PHF19: variants seen among roughly 807,000 people sequenced by gnomAD.
PHF19 encodes polycomb like 3.
In PHF19, 21 loss-of-function variants were observed where a neutral mutation model predicts 79.8. The ratio of observed to expected loss-of-function variants is 0.26; its 90% CI spans 0.19 to 0.38. PHF19 has a LOEUF of 0.38. Ranked by LOEUF, PHF19 falls within the 10% of genes least tolerant of loss-of-function variation. The probability of loss-of-function intolerance (pLI) is 1.00; values close to 1 mark genes in which losing one functional copy is unlikely to be tolerated. For missense variants in PHF19, 445 were observed against 744.2 expected (o/e 0.60, Z 4.68); for synonymous variants, 273 against 296.3 (o/e 0.92, Z 0.81).
At position 120,862,253 on chromosome 9, in the gene PHF19, G is replaced by A. The variant is rs949960093; in HGVS notation, c.1131-248C>T. Among the ~76,000 whole-genome samples the A allele has an allele frequency of 1.3e-5, 2 of 152,202 alleles. No homozygotes were observed. Among genetic ancestry groups the A allele is most frequent in the Non-Finnish European group, 2.9e-5 (2 of 68,016 alleles). ...CCTCCCCAGGCACATGCATCCAGAT[G>A]CCCTGCCCCCCAGTGCCAGGATGAG... On this transcript the variant is annotated intron_variant, in intron 11 of 14. Coordinates refer to ENST00000373896, the MANE Select transcript of PHF19 (RefSeq NM_015651.3). This position sits in a 1 kb window ranked among gnomAD's most constrained non-coding sequence, Gnocchi z 4.6.
chr9:120,885,491 T>C (rs1483306168), intron 1 of PHF19, among the ~76,000 whole-genome samples: 2 of 150,466 alleles, frequency 1.3e-5, no homozygotes, highest in African/African-American at 4.9e-5. Flanking sequence ...GGCAGGAGAA[T>C]GGCTTGAACC....
At chr9:120,867,874 C>A (rs2045750002) in intron 6 of PHF19, among the ~76,000 whole-genome samples, 1 of 152,160 alleles carries the variant, frequency 6.6e-6, no homozygotes. Flanking sequence ...GTGGTTCCTT[C>A]CACAATGCCA....
chr9:120,884,287 G>C (rs2046232982), intron 1 of PHF19, among the ~76,000 whole-genome samples: 1 of 152,114 alleles, frequency 6.6e-6, no homozygotes, highest in Non-Finnish European at 1.5e-5. Flanking sequence ...AAAATACAGA[G>C]GTGTCATTTT....
rs2045392271 is a variant in PHF19, at chr9:120,857,730, G to A, written c.*214C>T. Reference sequence around the variant, plus strand: ...TGGAGTGTGTAGAGACACAGGCACAGGGGTAACGAGCCTGAGGAGGCCCTG... The same window carrying A: ...TGGAGTGTGTAGAGACACAGGCACAAGGGTAACGAGCCTGAGGAGGCCCTG... On this transcript the variant is annotated 3_prime_UTR_variant, in exon 15 of 15. Coordinates refer to ENST00000373896, the MANE Select transcript of PHF19 (RefSeq NM_015651.3). 1 of 516,470 alleles carries A rather than the reference G, an allele frequency of 1.9e-6. No individual in the cohort carries two copies. Among genetic ancestry groups the A allele is most frequent in the African/African-American group, 1.9e-5 (1 of 51,716 alleles). The allele number at this position is 516,470 out of a possible 1,614,324, so 32.0% of individuals were successfully genotyped here.
In PHF19 at chr9:120,866,821, C is replaced by T; in HGVS notation, c.710+49G>A. 1 of 1,007,402 alleles carries T rather than the reference C, an allele frequency of 9.9e-7. No individual in the cohort carries two copies. Among genetic ancestry groups the T allele is most frequent in the Middle Eastern group, 2.1e-4 (1 of 4,784 alleles). The allele number at this position is 1,007,402 out of a possible 1,614,324, so 62.4% of individuals were successfully genotyped here. ...GCAGGAGTTGTTGCTGCCATCCCTG[C>T]CCTCTCCCCACCACGCCCAAGGCCC... On this transcript the variant is annotated intron_variant, in intron 7 of 14. Transcript: ENST00000373896. This position sits in a 1 kb window ranked among gnomAD's most constrained non-coding sequence, Gnocchi z 5.2.
At chr9:120,881,423 A>G (rs1341732669), upstream of PHF19, among the ~76,000 whole-genome samples, 1 of 152,114 alleles carries the variant, frequency 6.6e-6, no homozygotes, top group Non-Finnish European at 1.5e-5. Flanking sequence ...CTGGGATTAC[A>G]GGCGTGAGTC....
Position 120,860,400 on chromosome 9 carries a change from G to A in PHF19, c.1305-215C>T, listed in dbSNP as rs1039663592. The A allele has an allele frequency of 7.5e-6, 4 of 536,692 alleles. No individual in the cohort carries two copies. The highest frequency in any genetic ancestry group is 2.0e-5 in the South Asian group (1 of 49,960). The allele number at this position is 536,692 out of a possible 1,614,324, so 33.2% of individuals were successfully genotyped here. A position where few individuals can be genotyped will look rare whatever the true frequency, so the allele number is the denominator to read the frequency against. ...ACCTCCTGGAGCACCCTCCCCTGGC[G>A]GTGACGTAAGCACTGGTGTCAATAA... is the stretch of plus-strand genomic sequence containing the variant. On this transcript the variant is annotated intron_variant, in intron 13 of 14. Transcript: ENST00000373896. The surrounding 1 kb of genome is among the most constrained non-coding windows in gnomAD (Gnocchi z 4.1).
At chr9:120,892,148 C>G (rs770611909) in intron 1 of PHF19, among the ~76,000 whole-genome samples, 10 of 152,148 alleles carry the variant, frequency 6.6e-5, no homozygotes, top group Non-Finnish European at 1.2e-4. Context: ...ACAACTAATT[C>G]AAGCCATTTA....
intron 10 of PHF19, chr9:120,863,052 G>A (rs1032333177): frequency 1.1e-5 from 4 of 374,464 alleles, no homozygotes; most frequent in Admixed American, 3.9e-5. Flanking sequence ...CCCTCCTCCA[G>A]CTTACAGTGG....
upstream of PHF19, among the ~76,000 whole-genome samples, chr9:120,881,378 A>T (rs2046181944): frequency 6.6e-6 from 1 of 151,894 alleles, no homozygotes; most frequent in Non-Finnish European, 1.5e-5. Flanking sequence ...TGATCTCCTG[A>T]CCTCGTGATC....
Position 120,870,339 on chromosome 9 carries a change from G to A in PHF19, c.364+104C>T. The stretch of plus-strand genomic sequence containing the variant: ...CACCCTGCAGTGCCAAGAGAAACAG[G>A]AAGCCAGCTGAGGCCCCAACAGGCT... On this transcript the variant is annotated intron_variant, in intron 4 of 14. Transcript: ENST00000373896. The surrounding 1 kb of genome is among the most constrained non-coding windows in gnomAD (Gnocchi z 4.4). The A allele has an allele frequency of 5.4e-6, 4 of 741,866 alleles. No individual in the cohort carries two copies. Among genetic ancestry groups the A allele is most frequent in the Non-Finnish European group, 7.1e-6 (3 of 423,750 alleles). 46.0% of individuals were successfully genotyped at this position (741,866 alleles called of 1,614,324 possible). A position where few individuals can be genotyped will look rare whatever the true frequency, so the allele number is the denominator to read the frequency against.
rs75067508 is a variant in PHF19, at chr9:120,866,105, G to T, written c.711-9C>A. 2.0e-3 allele frequency: 3,221 copies of T among 1,609,656 alleles called. 62 individuals are homozygous for T. In the African/African-American group the frequency reaches 0.038, roughly 19 times the overall value. ...AGAAGAACAGGTAAAACCTGTGGGT[G>T]GGTAGAGACGGGGGCCTATGGTGGG... On this transcript the variant is annotated splice_polypyrimidine_tract_variant and intron_variant, in intron 7 of 14. Coordinates refer to ENST00000373896, the MANE Select transcript of PHF19 (RefSeq NM_015651.3). This position sits in a 1 kb window ranked among gnomAD's most constrained non-coding sequence, Gnocchi z 5.2.
At chr9:120,881,770 T>A (rs1309967774), upstream of PHF19, among the ~76,000 whole-genome samples, 1 of 152,102 alleles carries the variant, frequency 6.6e-6, no homozygotes, top group Non-Finnish European at 1.5e-5. Flanking sequence ...ATTTGTTTGT[T>A]TGTTTATTTG....
chr9:120,876,023 C>T (rs2046038144), intron 1 of PHF19: 1 of 152,678 alleles, frequency 6.5e-6, no homozygotes, highest in South Asian at 2.1e-4. Context: ...GGAGAGAGTC[C>T]AGTGCCTGTT....
intron 3 of PHF19, among the ~76,000 whole-genome samples, chr9:120,871,696 C>A (rs914225673): frequency 6.6e-6 from 1 of 152,030 alleles, no homozygotes; most frequent in Admixed American, 6.5e-5. Context: ...CATTTTGATA[C>A]GTGTTTGTCT....
At chr9:120,881,753 CCTT>C (rs1217852106), upstream of PHF19, among the ~76,000 whole-genome samples, 1 of 151,948 alleles carries the variant, frequency 6.6e-6, no homozygotes, top group Non-Finnish European at 1.5e-5. Context: ...GACTGATCAC[CCTT>C]CTTATTTGTT....
chr9:120,881,125 C>T (rs1027306103), upstream of PHF19, among the ~76,000 whole-genome samples: 2 of 147,570 alleles, frequency 1.4e-5, no homozygotes, highest in Non-Finnish European at 3.0e-5. Flanking sequence ...GGAATGAGAT[C>T]AGAAGGAAGC....
chr9:120,867,765 G>A (rs2045746774), intron 6 of PHF19, among the ~76,000 whole-genome samples: 1 of 152,178 alleles, frequency 6.6e-6, no homozygotes, highest in African/African-American at 2.4e-5. Flanking sequence ...TTCAAGCTTT[G>A]CCCAAGTTAC....
chr9:120,861,395 TCA>T, intron 12 of PHF19, among the ~76,000 whole-genome samples: 1 of 152,352 alleles, frequency 6.6e-6, no homozygotes, highest in Non-Finnish European at 1.5e-5. Context: ...TCTCTGGACC[TCA>T]GTTACTTCAA....
Sources: allele counts gnomAD v4.1 joint callset (sites outside exome capture counted in the v4.1 genomes callset), GRCh38; gene constraint gnomAD v4.1.1; non-coding constraint Gnocchi (gnomAD v3.1); transcripts MANE v1.5; gene names NCBI Gene and HGNC (gene_info 2026-07-23, HGNC 2026-07-21).